DAB1: variants seen among roughly 807,000 people sequenced by gnomAD.
DAB1 encodes disabled homolog 1.
A neutral mutation model predicts 64.6 loss-of-function variants in DAB1; 15 were observed. The ratio of observed to expected loss-of-function variants is 0.23; its 90% CI spans 0.16 to 0.36. DAB1 has a LOEUF of 0.36. DAB1 is among the 10% of genes least tolerant of loss of function. The pLI is 1.00. For synonymous variants in DAB1, 235 were observed against 251.9 expected (o/e 0.93, Z 0.64); for missense variants, 596 against 706.7 (o/e 0.84, Z 1.78).
intron 6 of DAB1, among the ~76,000 whole-genome samples, chr1:57,808,922 T>A (rs1451987777): frequency 6.6e-6 from 1 of 152,152 alleles, no homozygotes; most frequent in Non-Finnish European, 1.5e-5. Flanking sequence ...TAGGAGAAGG[T>A]GTAACCTTCC....
At chr1:58,508,387 A>G (rs996504750) in intron 2 of DAB1, among the ~76,000 whole-genome samples, 3 of 152,212 alleles carry the variant, frequency 2.0e-5, no homozygotes, top group Admixed American at 6.5e-5. Context: ...ACATGAACAC[A>G]CTGATTCAAC....
intron 4 of DAB1, among the ~76,000 whole-genome samples, chr1:58,224,523 T>C (rs1218718744): frequency 5.3e-5 from 8 of 152,172 alleles, no homozygotes; most frequent in African/African-American, 1.7e-4. Flanking sequence ...TGAGAAAATA[T>C]AGGCAACTAT....
At chr1:57,445,995 G>C (rs1686123188) in intron 7 of DAB1, among the ~76,000 whole-genome samples, 1 of 152,134 alleles carries the variant, frequency 6.6e-6, no homozygotes, top group East Asian at 1.9e-4. Context: ...GTGGGAATGG[G>C]CAGTGTAGCT....
intron 1 of DAB1, chr1:58,536,449 A>G (rs1646518466): frequency 1.3e-6 from 1 of 741,590 alleles, no homozygotes; most frequent in African/African-American, 1.8e-5. Flanking sequence ...TTCACATTTA[A>G]GATACTTTCC....
chr1:57,056,070 G>C (rs766465555), intron 9 of DAB1, among the ~76,000 whole-genome samples: 1 of 152,158 alleles, frequency 6.6e-6, no homozygotes, highest in Non-Finnish European at 1.5e-5. Flanking sequence ...GACATGGAGA[G>C]TGGAGAGACT....
intron 1 of DAB1, among the ~76,000 whole-genome samples, chr1:57,854,148 T>G (rs906597257): frequency 1.3e-5 from 2 of 152,218 alleles, no homozygotes; most frequent in Non-Finnish European, 2.9e-5. Context: ...CTGTGACACT[T>G]CCACAAATTG....
chr1:57,749,651 CAAT>C (rs1211813649), intron 6 of DAB1, among the ~76,000 whole-genome samples: 1 of 151,930 alleles, frequency 6.6e-6, no homozygotes, highest in Admixed American at 6.6e-5. Flanking sequence ...ATCCATGTGG[CAAT>C]TTGAGTGATG....
chr1:57,326,593 CA>C (rs1676176083), intron 1 of DAB1, among the ~76,000 whole-genome samples: 1 of 152,290 alleles, frequency 6.6e-6, no homozygotes, highest in South Asian at 2.1e-4. Context: ...GTGGCTTAAA[CA>C]ACAGAAATTT....
intron 5 of DAB1, among the ~76,000 whole-genome samples, chr1:58,148,780 C>G (rs528072583): frequency 2.6e-5 from 4 of 151,978 alleles, no homozygotes; most frequent in African/African-American, 2.4e-5. Flanking sequence ...ATCACACCCC[C>G]CCCCCAACCT....
At chr1:57,203,885 G>GT (rs1557931726) in intron 2 of DAB1, among the ~76,000 whole-genome samples, 5 of 151,970 alleles carry the variant, frequency 3.3e-5, no homozygotes, top group African/African-American at 1.2e-4. Context: ...AGTGTTTTTT[G>GT]TTTGTTTTGT....
chr1:57,606,776 T>C (rs1330277857), intron 7 of DAB1, among the ~76,000 whole-genome samples: 1 of 75,738 alleles, frequency 1.3e-5, no homozygotes, highest in Admixed American at 2.3e-4. Context: ...TATATAAATA[T>C]ATTTTATACA....
chr1:57,621,725 A>G (rs2101617204), intron 7 of DAB1, among the ~76,000 whole-genome samples: 1 of 152,260 alleles, frequency 6.6e-6, no homozygotes, highest in South Asian at 2.1e-4. Flanking sequence ...AGAGTGACTG[A>G]CTTGCCTCTG....
At chr1:57,444,135 A>G (rs1482987614) in intron 7 of DAB1, among the ~76,000 whole-genome samples, 1 of 152,062 alleles carries the variant, frequency 6.6e-6, no homozygotes, top group Non-Finnish European at 1.5e-5. Context: ...TTTGCTTGGA[A>G]TAGTCTCCCC....
intron 7 of DAB1, among the ~76,000 whole-genome samples, chr1:57,645,841 G>A (rs1336193326): frequency 2.0e-5 from 3 of 152,144 alleles, no homozygotes; most frequent in Non-Finnish European, 4.4e-5. Flanking sequence ...GAAGAAAGGG[G>A]AAATTACCAC....
chr1:57,490,559 T>G (rs528770147), intron 7 of DAB1, among the ~76,000 whole-genome samples: 1 of 152,348 alleles, frequency 6.6e-6, no homozygotes, highest in East Asian at 1.9e-4. Flanking sequence ...AACTTCCTTA[T>G]GTGAGTGTTT....
chr1:58,300,656 GGAAGGA>G (rs1557726393), intron 4 of DAB1, among the ~76,000 whole-genome samples: 30 of 102,434 alleles, frequency 2.9e-4, no homozygotes, highest in African/African-American at 1.2e-3. Flanking sequence ...GAGGAAGGAA[GGAAGGA>G]AGGAAGGAAG....
chr1:57,695,317 AAAG>A, intron 6 of DAB1, among the ~76,000 whole-genome samples: 1 of 112,872 alleles, frequency 8.9e-6, no homozygotes, highest in African/African-American at 3.3e-5. Flanking sequence ...AGAAAGAAAG[AAAG>A]AAAGAAAGAA....
At chr1:57,020,708 C>T (rs1232279989) in intron 11 of DAB1, among the ~76,000 whole-genome samples, 1 of 152,178 alleles carries the variant, frequency 6.6e-6, no homozygotes, top group African/African-American at 2.4e-5. Context: ...TGATGATGTG[C>T]CAGCATTTTT....
chr1:57,333,331 T>C (rs1029916181), intron 1 of DAB1, among the ~76,000 whole-genome samples: 1 of 152,170 alleles, frequency 6.6e-6, no homozygotes, highest in African/African-American at 2.4e-5. Context: ...CAATTTAAGG[T>C]AAAGCAACTC....
Sources: allele counts gnomAD v4.1 joint callset (sites outside exome capture counted in the v4.1 genomes callset), GRCh38; gene constraint gnomAD v4.1.1; transcripts MANE v1.5; gene names NCBI Gene and HGNC (gene_info 2026-07-23, HGNC 2026-07-21).